The following AP2B1 variants were observed in gnomAD, a reference collection of about 807,000 sequenced individuals.
AP2B1 encodes adaptor related protein complex 2 subunit beta 1, also known as AP-2 complex subunit beta.
AP2B1 carries 23 observed loss-of-function variants against 102.0 expected under a neutral mutation model. The ratio of observed to expected loss-of-function variants is 0.23; its 90% CI spans 0.16 to 0.32. The LOEUF (loss-of-function observed/expected upper bound fraction) is 0.32. Among genes scored for constraint, AP2B1 ranks in the 10% least tolerant of loss-of-function variants. AP2B1 has a pLI of 1.00. For missense variants in AP2B1, 541 were observed against 1,157.4 expected (o/e 0.47, Z 7.73); for synonymous variants, 381 against 421.2 (o/e 0.90, Z 1.17).
intron 13 of AP2B1, 65 bp downstream of exon 13, chr17:35,650,854 T>C: frequency 6.5e-7 from 1 of 1,543,462 alleles, no homozygotes; most frequent in Non-Finnish European, 8.8e-7. Flanking sequence ...TGCTCTTCTT[T>C]ATGCTTTTAT....
intron 5 of AP2B1, among the ~76,000 whole-genome samples, chr17:35,623,494 A>G (rs2074239446): frequency 6.6e-6 from 1 of 152,182 alleles, no homozygotes; most frequent in Non-Finnish European, 1.5e-5. Context: ...AACCCAGTAG[A>G]TGAAGGTTAC....
rs587678683 is a variant in AP2B1, at chr17:35,681,337, G to T, written c.2325-1358G>T. ...ATAATCCTCTGGACTTATCAGTCAG[G>T]TTATCAAGCCTGTAAAATAATTTAT... On this transcript the variant is annotated intron_variant, in intron 17 of 21. Coordinates refer to ENST00000610402, the MANE Select transcript of AP2B1 (RefSeq NM_001030006.2). 9.2e-5 allele frequency among the ~76,000 whole-genome samples: 14 copies of T among 152,308 alleles called. No homozygotes were observed. The East Asian group carries it at 2.7e-3, about 29-fold the overall frequency.
At chr17:35,654,661 C>T (rs964049023) in intron 13 of AP2B1, among the ~76,000 whole-genome samples, 15 of 152,144 alleles carry the variant, frequency 9.9e-5, no homozygotes, top group African/African-American at 3.6e-4. Context: ...TTAATATCAT[C>T]CAATAAGCAG....
chr17:35,631,012 C>A (rs1428403154), intron 9 of AP2B1, among the ~76,000 whole-genome samples: 1 of 152,172 alleles, frequency 6.6e-6, no homozygotes, highest in Non-Finnish European at 1.5e-5. Flanking sequence ...CAGGAATCAG[C>A]AGCATAAGAA....
At chr17:35,675,118 G>A (rs1167830413) in intron 17 of AP2B1, among the ~76,000 whole-genome samples, 2 of 152,146 alleles carry the variant, frequency 1.3e-5, no homozygotes, top group Non-Finnish European at 2.9e-5. Context: ...CCTCCTTTTA[G>A]CAATGAATTC....
intron 14 of AP2B1, among the ~76,000 whole-genome samples, chr17:35,662,710 G>A (rs912601070): frequency 1.3e-5 from 2 of 151,990 alleles, no homozygotes; most frequent in African/African-American, 4.8e-5. Flanking sequence ...TGACATCTGC[G>A]AGGATCACTG....
chr17:35,629,540 CG>C (rs2074406407), intron 9 of AP2B1, among the ~76,000 whole-genome samples: 1 of 152,054 alleles, frequency 6.6e-6, no homozygotes, highest in Admixed American at 6.5e-5. Context: ...ATGAATGATT[CG>C]TTTTTTTGTT....
chr17:35,619,676 C>G (rs1208734925), intron 5 of AP2B1, among the ~76,000 whole-genome samples: 2 of 151,620 alleles, frequency 1.3e-5, no homozygotes, highest in Non-Finnish European at 2.9e-5. Context: ...TGGGTTAGCT[C>G]TTTGAGGGGA....
At chr17:35,590,759 C>T (rs1436000300) in intron 1 of AP2B1, among the ~76,000 whole-genome samples, 1 of 151,930 alleles carries the variant, frequency 6.6e-6, no homozygotes, top group Non-Finnish European at 1.5e-5. Flanking sequence ...ACTTAATGCT[C>T]ACAGTGAACA....
At chr17:35,679,482 T>C (rs1385174938) in intron 17 of AP2B1, among the ~76,000 whole-genome samples, 2 of 152,058 alleles carry the variant, frequency 1.3e-5, no homozygotes, top group African/African-American at 2.4e-5. Context: ...GAATGAATAT[T>C]TGTGGTCAGT....
chr17:35,606,375 G>A (rs60533683), intron 4 of AP2B1, among the ~76,000 whole-genome samples: 2,493 of 151,966 alleles, frequency 0.016, 67 homozygotes, highest in African/African-American at 0.058. Flanking sequence ...AAGTAGCTGG[G>A]ATTACAGGTG....
intron 5 of AP2B1, among the ~76,000 whole-genome samples, chr17:35,610,119 A>G (rs1013285852): frequency 4.0e-5 from 6 of 150,336 alleles, no homozygotes; most frequent in Non-Finnish European, 7.4e-5. Context: ...ATTTCCCCTA[A>G]GTAACACCAT....
chr17:35,719,728 G>A (rs2085299482), intron 21 of AP2B1, among the ~76,000 whole-genome samples: 1 of 152,218 alleles, frequency 6.6e-6, no homozygotes, highest in South Asian at 2.1e-4. Flanking sequence ...TGGTGTGGTG[G>A]CTCATGCCTG....
chr17:35,667,418 C>G (rs2142933704), intron 14 of AP2B1, among the ~76,000 whole-genome samples: 1 of 152,274 alleles, frequency 6.6e-6, no homozygotes, highest in South Asian at 2.1e-4. Context: ...GTCTTTGTGT[C>G]AGATCAGAGT....
chr17:35,663,340 T>C lies in AP2B1; in HGVS notation c.1989+5549T>C, dbSNP rs189834961. On this transcript the variant is annotated intron_variant, in intron 14 of 21. Coordinates refer to ENST00000610402, the MANE Select transcript of AP2B1 (RefSeq NM_001030006.2). ...CTGAGTTCTAGTCCCTGTGCTAGAA[T>C]TTTTATAATTTCTAATCCTCAGAAC... is the stretch of plus-strand genomic sequence containing the variant. Among the ~76,000 whole-genome samples the C allele has an allele frequency of 1.4e-3, 211 of 152,346 alleles. 1 individual carries two copies. The highest frequency in any genetic ancestry group is 4.8e-3 in the African/African-American group (200 of 41,574).
chr17:35,640,565 C>T (rs1411440074), intron 11 of AP2B1, among the ~76,000 whole-genome samples: 1 of 152,144 alleles, frequency 6.6e-6, no homozygotes, highest in Non-Finnish European at 1.5e-5. Context: ...ATGTTAAAAA[C>T]CTACATAACT....
At chr17:35,615,184 G>A (rs1487371064) in intron 5 of AP2B1, among the ~76,000 whole-genome samples, 1 of 152,148 alleles carries the variant, frequency 6.6e-6, no homozygotes, top group African/African-American at 2.4e-5. Context: ...TTGAGTCCTG[G>A]CTTGGCTGCT....
chr17:35,710,204 T>A, intron 19 of AP2B1, 30 bp from the exon 20 acceptor site: 2 of 1,501,668 alleles, frequency 1.3e-6, no homozygotes, highest in Non-Finnish European at 1.9e-6. Flanking sequence ...CTTATGCACA[T>A]CCATCCTTCC....
chr17:35,696,910 T>G (rs2076151963), intron 18 of AP2B1, among the ~76,000 whole-genome samples: 1 of 152,234 alleles, frequency 6.6e-6, no homozygotes, highest in Non-Finnish European at 1.5e-5. Flanking sequence ...TGGAACGATG[T>G]CTGGCACACA....
Sources: gnomAD v4.1 joint callset for allele counts (sites outside exome capture counted in the v4.1 genomes callset) on GRCh38, gnomAD v4.1.1 for gene constraint, MANE v1.5 for transcripts, NCBI Gene and HGNC (gene_info 2026-07-23, HGNC 2026-07-21) for gene names.